The following AKAP7 variants were observed in gnomAD, a reference collection of about 807,000 sequenced individuals.
The protein encoded by AKAP7 is A-kinase anchoring protein 7.
AKAP7 carries 39 observed loss-of-function variants against 39.5 expected under a neutral mutation model. That is an observed-to-expected ratio of 0.99 (90% CI 0.76 to 1.29). The LOEUF is 1.29. Among genes scored for constraint, AKAP7 ranks in the 50% most tolerant of loss-of-function variants. AKAP7 has a pLI of 0.00. For missense variants in AKAP7, 414 were observed against 407.7 expected, an observed-to-expected ratio of 1.02 and a Z score of -0.13; for synonymous variants, 140 against 139.1, an observed-to-expected ratio of 1.01 and a Z score of -0.05.
At chr6:131,270,237 C>T (rs1814159239) in intron 7 of AKAP7, among the ~76,000 whole-genome samples, 1 of 152,216 alleles carries the variant, frequency 6.6e-6, no homozygotes, top group Admixed American at 6.5e-5. Context: ...GTCAACCCTT[C>T]CTGTTACAGC....
chr6:131,250,542 C>T (rs745573087), intron 7 of AKAP7: 6 of 1,613,886 alleles, frequency 3.7e-6, no homozygotes, highest in South Asian at 1.1e-5. Flanking sequence ...AGAAGAACAC[C>T]AGGAAAGACA....
chr6:131,263,708 G>A (rs1426922518), intron 7 of AKAP7, among the ~76,000 whole-genome samples: 1 of 152,156 alleles, frequency 6.6e-6, no homozygotes, highest in Non-Finnish European at 1.5e-5. Context: ...GAATGTGAGA[G>A]GAGCAGTTAC....
At chr6:131,216,263 GTCTACTTCC>G (rs1297745763) in intron 6 of AKAP7, among the ~76,000 whole-genome samples, 1 of 152,132 alleles carries the variant, frequency 6.6e-6, no homozygotes, top group Non-Finnish European at 1.5e-5. Flanking sequence ...GTGACCGTCT[GTCTACTTCC>G]TGTATTAAAA....
intron 5 of AKAP7, among the ~76,000 whole-genome samples, chr6:131,190,536 A>G (rs1251946242): frequency 6.6e-6 from 1 of 151,706 alleles, no homozygotes; most frequent in Admixed American, 6.6e-5. Flanking sequence ...CAGCTACTCA[A>G]GTGGCTGAGG....
intron 6 of AKAP7, among the ~76,000 whole-genome samples, chr6:131,207,704 G>A (rs973829860): frequency 6.6e-6 from 1 of 151,656 alleles, no homozygotes; most frequent in Non-Finnish European, 1.5e-5. Flanking sequence ...TGGAAGTGCT[G>A]GTGGTAGAGG....
At chr6:131,258,936 A>G (rs1441472079) in intron 7 of AKAP7, among the ~76,000 whole-genome samples, 1 of 152,152 alleles carries the variant, frequency 6.6e-6, no homozygotes, top group East Asian at 1.9e-4. Context: ...AGGATCTCAT[A>G]TTCCCAAGGG....
At chr6:131,169,931 G>A (rs996567953) in intron 5 of AKAP7, among the ~76,000 whole-genome samples, 3 of 150,332 alleles carry the variant, frequency 2.0e-5, no homozygotes, top group Admixed American at 1.3e-4. Context: ...TTTTATCTGT[G>A]TTTTTTTTTC....
intron 5 of AKAP7, among the ~76,000 whole-genome samples, chr6:131,177,625 A>C (rs1268169778): frequency 1.3e-5 from 2 of 152,206 alleles, no homozygotes; most frequent in Non-Finnish European, 2.9e-5. Context: ...TTTCAACATG[A>C]GTTTTGGTGG....
chr6:131,261,978 C>G (rs1470709268), intron 7 of AKAP7, among the ~76,000 whole-genome samples: 2 of 152,040 alleles, frequency 1.3e-5, no homozygotes, highest in African/African-American at 2.4e-5. Context: ...GGAAGGACCC[C>G]CACATAGCCG....
Position 131,232,049 on chromosome 6 carries a change from A to G in AKAP7, c.850+12241A>G, listed in dbSNP as rs929280811. Among the ~76,000 whole-genome samples, 7 of 152,210 alleles carry G rather than the reference A, an allele frequency of 4.6e-5. No individual in the cohort carries two copies. In the East Asian group the frequency reaches 1.2e-3, roughly 25 times the overall value. On this transcript the variant is annotated intron_variant, in intron 7 of 7. Coordinates refer to ENST00000431975, the MANE Select transcript of AKAP7 (RefSeq NM_016377.4). ...GATGGCTCACTGTATTTTAACTGGTATATCAGCTGTTAATCCGGATGCTAA... is the reference window on the plus strand; with the variant it reads ...GATGGCTCACTGTATTTTAACTGGTGTATCAGCTGTTAATCCGGATGCTAA...
chr6:131,154,204 G>A (rs1802205799), intron 2 of AKAP7, among the ~76,000 whole-genome samples: 1 of 151,624 alleles, frequency 6.6e-6, no homozygotes, highest in Non-Finnish European at 1.5e-5. Context: ...GCAAAACTCT[G>A]CCTCAGAAAA....
intron 6 of AKAP7, among the ~76,000 whole-genome samples, chr6:131,215,606 G>A (rs758559132): frequency 7.9e-5 from 12 of 152,346 alleles, no homozygotes; most frequent in Middle Eastern, 3.4e-3. Context: ...ATGGAGTTAT[G>A]CAAAGAGGTG....
chr6:131,197,215 C>G (rs1041212802), intron 5 of AKAP7, among the ~76,000 whole-genome samples: 2 of 151,992 alleles, frequency 1.3e-5, no homozygotes, highest in African/African-American at 2.4e-5. Flanking sequence ...TATTTATCAA[C>G]CATTTATTTA....
chr6:131,267,600 G>T (rs887514310), intron 7 of AKAP7, among the ~76,000 whole-genome samples: 2 of 151,882 alleles, frequency 1.3e-5, no homozygotes, highest in Non-Finnish European at 2.9e-5. Flanking sequence ...TTCTCCTCCC[G>T]CCCACCTCAT....
At chr6:131,152,229 C>T (rs1801981506) in intron 2 of AKAP7, among the ~76,000 whole-genome samples, 1 of 152,192 alleles carries the variant, frequency 6.6e-6, no homozygotes, top group Non-Finnish European at 1.5e-5. Context: ...AATGAAGTTA[C>T]TCTAAATAAT....
chr6:131,256,117 G>A (rs1812825724), intron 7 of AKAP7, among the ~76,000 whole-genome samples: 1 of 152,198 alleles, frequency 6.6e-6, no homozygotes, highest in Admixed American at 6.5e-5. Context: ...ATCCTAGGCA[G>A]CTCAGCATCT....
chr6:131,260,873 AT>A (rs999789696), intron 7 of AKAP7, among the ~76,000 whole-genome samples: 2 of 152,002 alleles, frequency 1.3e-5, no homozygotes, highest in African/African-American at 4.8e-5. Context: ...CTACCTTTTT[AT>A]TTTCCTTAAT....
intron 6 of AKAP7, chr6:131,199,945 T>TA (rs1476934747): frequency 8.4e-6 from 2 of 238,290 alleles, no homozygotes; most frequent in South Asian, 4.6e-5. Flanking sequence ...GCTGGCCTGT[T>TA]ACGCTGGTGC....
At chr6:131,133,817 C>T (rs1208847640), upstream of AKAP7, among the ~76,000 whole-genome samples, 2 of 152,296 alleles carry the variant, frequency 1.3e-5, no homozygotes, top group East Asian at 1.9e-4. Context: ...GGCTTCTATA[C>T]CATTTTAACG....
Sources: gnomAD v4.1 joint callset for allele counts (sites outside exome capture counted in the v4.1 genomes callset) on GRCh38, gnomAD v4.1.1 for gene constraint, MANE v1.5 for transcripts, NCBI Gene and HGNC (gene_info 2026-07-23, HGNC 2026-07-21) for gene names.